The following SPA17 variants were observed in gnomAD, a reference collection of about 807,000 sequenced individuals.
SPA17 encodes the protein sperm surface protein Sp17.
In SPA17, 7 loss-of-function variants were observed where a neutral mutation model predicts 13.8. That is an observed-to-expected ratio of 0.51 (90% CI 0.29 to 0.95). The LOEUF is 0.95. Among genes scored for constraint, SPA17 ranks in the 40% least tolerant of loss-of-function variants. SPA17 has a pLI of 0.08. For missense variants in SPA17, 170 were observed against 179.3 expected, an observed-to-expected ratio of 0.95 and a Z score of 0.30; for synonymous variants, 61 against 59.0, an observed-to-expected ratio of 1.03 and a Z score of -0.16.
At chr11:124,692,713 T>C (rs182594504) in intron 4 of SPA17, among the ~76,000 whole-genome samples, 212 of 152,314 alleles carry the variant, frequency 1.4e-3, no homozygotes, top group Non-Finnish European at 2.4e-3. Context: ...CAGGGCTTTG[T>C]TTCTTCTGGA....
chr11:124,680,146 G>T (rs551779102), intron 2 of SPA17, among the ~76,000 whole-genome samples: 5 of 152,232 alleles, frequency 3.3e-5, no homozygotes, highest in Non-Finnish European at 7.4e-5. Flanking sequence ...TCAAATTAGA[G>T]CATTACCATT....
At chr11:124,683,318 A>T (rs550172983) in intron 3 of SPA17, among the ~76,000 whole-genome samples, 69 of 152,272 alleles carry the variant, frequency 4.5e-4, no homozygotes, top group South Asian at 1.0e-3. Context: ...AAGCGACCAC[A>T]CAAAGGAGGA....
chr11:124,677,377 T>C (rs551053828), intron 2 of SPA17, among the ~76,000 whole-genome samples: 21 of 152,344 alleles, frequency 1.4e-4, no homozygotes, highest in African/African-American at 4.8e-4. Context: ...TGTTAGTATA[T>C]GATTTAAATG....
chr11:124,686,190 T>TG (rs60389113), intron 3 of SPA17, among the ~76,000 whole-genome samples: 27,304 of 74,178 alleles, frequency 0.37, 3,521 homozygotes, highest in Non-Finnish European at 0.4. Context: ...GAATCATGGG[T>TG]GGGGGGGGGG....
At chr11:124,674,926 G>T (rs1302389042) in intron 1 of SPA17, 1 of 167,782 alleles carries the variant, frequency 6.0e-6, no homozygotes, top group Non-Finnish European at 1.3e-5. Flanking sequence ...AAATTCCTGT[G>T]TGATAGCAAA....
intron 3 of SPA17, among the ~76,000 whole-genome samples, 169 bp downstream of exon 3, chr11:124,681,628 A>G (rs1943531572): frequency 6.6e-6 from 1 of 151,644 alleles, no homozygotes; most frequent in Non-Finnish European, 1.5e-5. Context: ...TAAAAAGATT[A>G]TTTATTAAAA....
At chr11:124,688,919 CA>C (rs1943599537) in intron 3 of SPA17, among the ~76,000 whole-genome samples, 2 of 152,154 alleles carry the variant, frequency 1.3e-5, no homozygotes, top group South Asian at 4.1e-4. Flanking sequence ...TAACCTAATA[CA>C]AGGCTACAGT....
chr11:124,689,384 A>G (rs1943603776), intron 3 of SPA17, among the ~76,000 whole-genome samples: 1 of 152,240 alleles, frequency 6.6e-6, no homozygotes, highest in Admixed American at 6.5e-5. Context: ...TAAGCTGTTG[A>G]ATGGGAGAAA....
chr11:124,686,344 C>T (rs1018714976), intron 3 of SPA17, among the ~76,000 whole-genome samples: 1 of 152,150 alleles, frequency 6.6e-6, no homozygotes, highest in African/African-American at 2.4e-5. Flanking sequence ...AACCTCTTTT[C>T]TTTATAAATT....
intron 4 of SPA17, among the ~76,000 whole-genome samples, chr11:124,692,872 C>T (rs1453934467): frequency 1.3e-5 from 2 of 152,078 alleles, no homozygotes; most frequent in Non-Finnish European, 2.9e-5. Flanking sequence ...GTCTCAGGTC[C>T]CAGGTAGTTG....
At chr11:124,694,195 C>T in intron 4 of SPA17, 108 bp from the exon 5 acceptor site, 1 of 1,385,968 alleles carries the variant, frequency 7.2e-7, no homozygotes, top group African/African-American at 1.5e-5. Flanking sequence ...AGCAACAGCT[C>T]TCAGATAGTT....
chr11:124,694,009 C>A (rs1943649143), intron 4 of SPA17, among the ~76,000 whole-genome samples: 1 of 152,124 alleles, frequency 6.6e-6, no homozygotes, highest in African/African-American at 2.4e-5. Flanking sequence ...CCCAACCCCC[C>A]AAAAAATGTT....
rs1004347758 is a variant in SPA17, at chr11:124,686,197, G to A, written c.225+4738G>A. 6.0e-5 allele frequency among the ~76,000 whole-genome samples: 7 copies of A among 117,540 alleles called. 1 individual carries two copies. Among genetic ancestry groups the A allele is most frequent in the African/African-American group, 1.6e-4 (5 of 30,916 alleles). The allele number at this position is 117,540 out of a possible 152,430, so 77.1% of individuals were successfully genotyped here. A position where few individuals can be genotyped will look rare whatever the true frequency, so the allele number is the denominator to read the frequency against. ...AGGTAATGGAATCATGGGTGGGGGG[G>A]GGGTGGTTTTATAAGGGGCTTTTCC... On this transcript the variant is annotated intron_variant, in intron 3 of 4. Coordinates refer to ENST00000227135, the MANE Select transcript of SPA17 (RefSeq NM_017425.4).
At chr11:124,682,237 G>A (rs1943535988) in intron 3 of SPA17, among the ~76,000 whole-genome samples, 1 of 152,096 alleles carries the variant, frequency 6.6e-6, no homozygotes, top group Non-Finnish European at 1.5e-5. Context: ...TTCAGATAAT[G>A]AATGCTGGTT....
chr11:124,679,766 C>A (rs1175929631), intron 2 of SPA17, among the ~76,000 whole-genome samples: 2 of 152,154 alleles, frequency 1.3e-5, no homozygotes, highest in Non-Finnish European at 2.9e-5. Flanking sequence ...TACCAGAGAA[C>A]AAGGAAGCTA....
intron 3 of SPA17, among the ~76,000 whole-genome samples, chr11:124,690,140 A>G (rs143500076): frequency 6.6e-6 from 1 of 152,352 alleles, no homozygotes; most frequent in East Asian, 1.9e-4. Context: ...ATAAATCAAT[A>G]CATCAAAAGA....
Position 124,675,397 on chromosome 11 carries a change from A to C in SPA17, c.133A>C (p.Ser45Arg). 6.2e-7 allele frequency: 1 copy of C among 1,611,592 alleles called. No individual in the cohort carries two copies. Among genetic ancestry groups the C allele is most frequent in the Non-Finnish European group, 8.5e-7 (1 of 1,179,418 alleles). The change falls in exon 2 of 5, where the codon AGC becomes CGC. Residue 45 changes from serine (S) to arginine (R), a missense_variant. By Grantham distance (110) the Ser-to-Arg change is moderately radical. Coordinates refer to ENST00000227135, the MANE Select transcript of SPA17 (RefSeq NM_017425.4). ...IPAFAAAYFE[S>R]LLEKREKTNF... is the part of the protein sequence containing the mutation. Reference sequence around the variant, plus strand: ...AGCTTTTGCAGCAGCCTATTTTGAGAGCCTTCTAGAGAAAAGAGAGAGTAA... The same window carrying C: ...AGCTTTTGCAGCAGCCTATTTTGAGCGCCTTCTAGAGAAAAGAGAGAGTAA...
At chr11:124,680,739 C>T (rs774777453) in intron 2 of SPA17, among the ~76,000 whole-genome samples, 2 of 151,680 alleles carry the variant, frequency 1.3e-5, no homozygotes, top group Non-Finnish European at 2.9e-5. Flanking sequence ...TAACAGGATG[C>T]AAGGGGTTGG....
intron 4 of SPA17, among the ~76,000 whole-genome samples, chr11:124,692,079 T>C (rs1412641567): frequency 6.6e-6 from 1 of 152,164 alleles, no homozygotes; most frequent in Admixed American, 6.5e-5. Flanking sequence ...TCATGATCCT[T>C]CAGATTCATC....
Sources: allele counts gnomAD v4.1 joint callset (sites outside exome capture counted in the v4.1 genomes callset), GRCh38; gene constraint gnomAD v4.1.1; transcripts MANE v1.5; gene names NCBI Gene and HGNC (gene_info 2026-07-23, HGNC 2026-07-21).